DYSF: variants seen among roughly 807,000 people sequenced by gnomAD.
The protein encoded by DYSF is dysferlin.
DYSF carries 212 observed loss-of-function variants against 274.9 expected under a neutral mutation model. The observed-to-expected ratio is 0.77, with a 90% CI of 0.69 to 0.86. The LOEUF (loss-of-function observed/expected upper bound fraction) is 0.86, where lower values mean the gene tolerates loss of function less well. DYSF is among the 40% of genes least tolerant of loss of function. The pLI is 0.00. For synonymous variants in DYSF, 1,091 were observed against 1,078.7 expected (o/e 1.01, Z -0.22); for missense variants, 2,666 against 2,783.2 (o/e 0.96, Z 0.95).
chr2:71,596,616 C>T (rs1319076680), intron 32 of DYSF, among the ~76,000 whole-genome samples: 1 of 152,130 alleles, frequency 6.6e-6, no homozygotes, highest in Non-Finnish European at 1.5e-5. Context: ...CCTGCCAGGT[C>T]CAGTGCATGG....
intron 4 of DYSF, among the ~76,000 whole-genome samples, chr2:71,509,336 G>GT (rs1392875356): frequency 2.6e-5 from 4 of 151,350 alleles, no homozygotes; most frequent in East Asian, 2.0e-4. Flanking sequence ...CTAATTTTTT[G>GT]TTTTTTGTAA....
intron 3 of DYSF, among the ~76,000 whole-genome samples, chr2:71,494,160 T>C (rs949616903): frequency 6.6e-6 from 1 of 152,152 alleles, no homozygotes; most frequent in African/African-American, 2.4e-5. Flanking sequence ...TAGCTCTTTT[T>C]GTTAGGGTTT....
At chr2:71,581,055 C>T (rs2092879371) in intron 30 of DYSF, among the ~76,000 whole-genome samples, 1 of 152,184 alleles carries the variant, frequency 6.6e-6, no homozygotes, top group Admixed American at 6.5e-5. Context: ...AATAATCACA[C>T]TGGAAAAGCA....
intron 40 of DYSF, among the ~76,000 whole-genome samples, chr2:71,618,604 G>GGGGTGTGTGTGT (rs2094003397): frequency 7.6e-5 from 2 of 26,414 alleles, no homozygotes; most frequent in Non-Finnish European, 1.8e-4. Context: ...TGGTAGAGGT[G>GGGGTGTGTGTGT]GTGGGTGTGG....
chr2:71,621,225 A>G (rs1358170384), intron 41 of DYSF, among the ~76,000 whole-genome samples: 1 of 152,114 alleles, frequency 6.6e-6, no homozygotes, highest in Admixed American at 6.5e-5. Context: ...GGTGAGGGCC[A>G]GTGGGAGCCC....
intron 12 of DYSF, among the ~76,000 whole-genome samples, chr2:71,525,920 C>T (rs566467740): frequency 5.3e-5 from 8 of 152,072 alleles, no homozygotes; most frequent in Non-Finnish European, 7.4e-5. Context: ...TGGGGGAGAG[C>T]GGGAAGGAGA....
At chr2:71,605,364 AC>A (rs1457161301) in intron 36 of DYSF, among the ~76,000 whole-genome samples, 2 of 152,224 alleles carry the variant, frequency 1.3e-5, no homozygotes, top group African/African-American at 2.4e-5. Flanking sequence ...GTGTGCATGC[AC>A]GTGTGAGCAT....
At chr2:71,559,986 G>C (rs984955775) in intron 22 of DYSF, among the ~76,000 whole-genome samples, 1 of 152,190 alleles carries the variant, frequency 6.6e-6, no homozygotes, top group African/African-American at 2.4e-5. Context: ...GGGACCTTGG[G>C]AGCAGCCCAG....
At chr2:71,553,749 C>CG in intron 20 of DYSF, 58 bp from the exon 21 acceptor site, 3 of 962,652 alleles carry the variant, frequency 3.1e-6, no homozygotes, top group Non-Finnish European at 4.6e-6. Flanking sequence ...CTCTTAGCAC[C>CG]CCATCCCACC....
At chr2:71,579,568 TATTC>T (rs1291893985) in intron 30 of DYSF, among the ~76,000 whole-genome samples, 1 of 152,174 alleles carries the variant, frequency 6.6e-6, no homozygotes, top group African/African-American at 2.4e-5. Context: ...GAATTATTAA[TATTC>T]ACTTTACCAC....
chr2:71,656,077 C>A (rs2094762708), intron 42 of DYSF, 85 bp from the exon 43 acceptor site: 1 of 1,521,298 alleles, frequency 6.6e-7, no homozygotes, highest in African/African-American at 1.4e-5. Flanking sequence ...TCATGTTTCC[C>A]CTCCTTCTCT....
chr2:71,617,406 A>G (rs2093908638), intron 40 of DYSF, among the ~76,000 whole-genome samples: 1 of 152,196 alleles, frequency 6.6e-6, no homozygotes. Context: ...CAACCAGGGA[A>G]GCTTCTCCGG....
intron 52 of DYSF, among the ~76,000 whole-genome samples, chr2:71,677,450 G>T (rs2095239907): frequency 6.6e-6 from 1 of 152,172 alleles, no homozygotes; most frequent in Admixed American, 6.5e-5. Flanking sequence ...GAAACCACAT[G>T]AAATTGCTGT....
chr2:71,489,191 C>T (rs2152693288), intron 3 of DYSF, among the ~76,000 whole-genome samples: 1 of 152,308 alleles, frequency 6.6e-6, no homozygotes, highest in South Asian at 2.1e-4. Context: ...TGCTGCCTTG[C>T]TCTTGTTCCC....
intron 3 of DYSF, among the ~76,000 whole-genome samples, chr2:71,484,192 A>G (rs1328137179): frequency 6.6e-6 from 1 of 151,088 alleles, no homozygotes; most frequent in Non-Finnish European, 1.5e-5. Context: ...AGCTGGGATT[A>G]CAGGTGCCCA....
In DYSF at chr2:71,656,307, G is replaced by T. The variant is rs199538207; in HGVS notation, c.4755+17G>T. On this transcript the variant is annotated intron_variant, in intron 43 of 55. Coordinates refer to ENST00000410020, the MANE Select transcript of DYSF (RefSeq NM_001130987.2). ...GAATTTAAGGTAAATCCTCGAAGAC[G>T]TCCCTAACCCAGGTGGGCCTAAGAC... 1.9e-6 allele frequency: 3 copies of T among 1,613,410 alleles called. No homozygotes were observed. The highest frequency in any genetic ancestry group is 1.7e-6 in the Non-Finnish European group (2 of 1,179,840).
At chr2:71,520,726 G>A (rs981623711) in intron 11 of DYSF, 63 bp from the exon 12 acceptor site, 70 of 1,482,000 alleles carry the variant, frequency 4.7e-5, no homozygotes, top group Non-Finnish European at 6.5e-5. Flanking sequence ...CTGGGTTCCC[G>A]GATGTGGCCA....
intron 30 of DYSF, among the ~76,000 whole-genome samples, chr2:71,581,219 C>A (rs974622105): frequency 6.6e-6 from 1 of 152,236 alleles, no homozygotes; most frequent in African/African-American, 2.4e-5. Flanking sequence ...CACGCATACA[C>A]GCTCGCGCCA....
In DYSF at chr2:71,615,981, TA is replaced by T. The variant is rs2093873642; in HGVS notation, c.4464+2572del. 6.6e-6 allele frequency among the ~76,000 whole-genome samples: 1 copy of T among 152,178 alleles called. No individual in the cohort carries two copies. Among genetic ancestry groups the T allele is most frequent in the South Asian group, 2.1e-4 (1 of 4,830 alleles). On this transcript the variant is annotated intron_variant, in intron 40 of 55. Coordinates refer to ENST00000410020, the MANE Select transcript of DYSF (RefSeq NM_001130987.2). The surrounding 1 kb of genome is among the most constrained non-coding windows in gnomAD (Gnocchi z 4.9). ...AGCTCAAACCTGCTCTTGCCAGAGT[TA>T]CCCTTCCATCTTGGTCCCTTCCTGT...
Sources: allele counts gnomAD v4.1 joint callset (sites outside exome capture counted in the v4.1 genomes callset), GRCh38; gene constraint gnomAD v4.1.1; non-coding constraint Gnocchi (gnomAD v3.1); transcripts MANE v1.5; gene names NCBI Gene and HGNC (gene_info 2026-07-23, HGNC 2026-07-21).